The following PAX5 variants were observed in gnomAD, a reference collection of about 807,000 sequenced individuals.
PAX5 encodes paired box protein Pax-5.
Under a neutral mutation model 43.7 loss-of-function variants are expected in PAX5, and 9 were observed. That is an observed-to-expected ratio of 0.21 (90% confidence interval 0.12 to 0.36). The LOEUF is 0.36. PAX5 is among the 10% of genes least tolerant of loss of function. The pLI is 1.00. For missense variants in PAX5, 383 were observed against 532.7 expected, an observed-to-expected ratio of 0.72 and a Z score of 2.77; for synonymous variants, 228 against 214.3, an observed-to-expected ratio of 1.06 and a Z score of -0.56.
rs370629885 is a variant in PAX5 at position 36,964,444 on chromosome 9, T to C, written c.780+2105A>G. ...ATCTCTACTAAAAATACAAAAAAAT[T>C]AGCCGGGCGTGGTGGCAGGCACCTG... is the stretch of plus-strand genomic sequence containing the variant. On this transcript the variant is annotated intron_variant, in intron 6 of 9. Transcript: ENST00000358127. Among the ~76,000 whole-genome samples the C allele has an allele frequency of 3.0e-4, 45 of 151,472 alleles. No individual in the cohort carries two copies. The Middle Eastern group carries it at 0.01, about 35-fold the overall frequency.
chr9:36,998,969 T>C lies in PAX5; in HGVS notation c.604+3679A>G, dbSNP rs985162783. On this transcript the variant is annotated intron_variant, in intron 5 of 9. Transcript: ENST00000358127. ...TCTTTTTAATGTAGTTACTAGATCA[T>C]TTAAAATTACACGTGGCTTGCATTC... is the stretch of plus-strand genomic sequence containing the variant. Among the ~76,000 whole-genome samples the C allele has an allele frequency of 2.6e-5, 4 of 152,374 alleles. No homozygotes were observed. In the South Asian group the frequency reaches 8.3e-4, roughly 32 times the overall value.
rs139701864 is a variant in PAX5 at position 37,034,026 on chromosome 9, A to T, written c.6T>A (p.Asp2Glu). The part of the protein sequence containing the change: M[D>E]LEKNYPTPRT... ...GAGGAGTCGGATAATTTTTCTCTAA[A>T]TCCATTTTGATTTTTCAGGACTTGA... Residue 2 changes from aspartate to glutamate, a missense_variant, in exon 1 of 10, where the codon GAT becomes GAA. Coordinates refer to ENST00000358127, the MANE Select transcript of PAX5 (RefSeq NM_016734.3). 2,300 of 1,605,240 alleles carry T rather than the reference A, an allele frequency of 1.4e-3. 24 individuals carry two copies. Among genetic ancestry groups the T allele is most frequent in the East Asian group, 7.5e-3 (334 of 44,480 alleles).
chr9:36,923,399 A>G lies in PAX5; in HGVS notation c.866T>C (p.Ile289Thr). ...ANLASPTPAD[I>T]GSSVPGPQSY... Reference sequence around the variant, plus strand: ...CTGCGGGCCTGGCACACTGCTCCCGATGTCAGCAGGGGTGGGGCTGGCCAG... The same window carrying G: ...CTGCGGGCCTGGCACACTGCTCCCGGTGTCAGCAGGGGTGGGGCTGGCCAG... The change falls in exon 7 of 10, where the codon ATC becomes ACC. Residue 289 changes from isoleucine (I) to threonine (T), a missense_variant. Around this residue, in one of 5 missense-constraint regions of PAX5, gnomAD observed 291 missense variants for 342.5 expected, o/e 0.85. Transcript: ENST00000358127. The G allele has an allele frequency of 9.3e-6, 15 of 1,613,264 alleles. No individual in the cohort carries two copies. Among genetic ancestry groups the G allele is most frequent in the Non-Finnish European group, 1.2e-5 (14 of 1,179,970 alleles).
At chr9:37,010,938 C>T (rs1359689894) in intron 3 of PAX5, among the ~76,000 whole-genome samples, 4 of 151,914 alleles carry the variant, frequency 2.6e-5, no homozygotes, top group East Asian at 1.9e-4. Context: ...CTGGGCAACA[C>T]GATGAAACCC....
intron 7 of PAX5, among the ~76,000 whole-genome samples, chr9:36,885,069 A>C (rs995086116): frequency 6.6e-6 from 1 of 152,248 alleles, no homozygotes; most frequent in Non-Finnish European, 1.5e-5. Flanking sequence ...TCCTTGGACT[A>C]GCCATGAAAA....
At chr9:36,972,145 A>T (rs1196719439) in intron 5 of PAX5, among the ~76,000 whole-genome samples, 1 of 152,238 alleles carries the variant, frequency 6.6e-6, no homozygotes, top group East Asian at 1.9e-4. Context: ...GAGCCCCAGG[A>T]AAAGAGGCTA....
At chr9:36,859,708 A>C (rs2131640139) in intron 8 of PAX5, among the ~76,000 whole-genome samples, 1 of 152,288 alleles carries the variant, frequency 6.6e-6, no homozygotes, top group African/African-American at 2.4e-5. Context: ...GCAGTGACCC[A>C]GGCCAGTGGC....
chr9:36,957,196 G>C (rs1184244530), intron 6 of PAX5, among the ~76,000 whole-genome samples: 1 of 152,218 alleles, frequency 6.6e-6, no homozygotes, highest in Non-Finnish European at 1.5e-5. Context: ...TTTCCCATAG[G>C]AAGGCCCAGT....
intron 8 of PAX5, among the ~76,000 whole-genome samples, chr9:36,866,362 G>C (rs928266168): frequency 6.6e-5 from 10 of 152,168 alleles, no homozygotes; most frequent in African/African-American, 2.4e-4. Flanking sequence ...ACTCTGGGTA[G>C]GGGAGCTGTG....
chr9:36,935,196 A>T (rs1016772978), intron 6 of PAX5, among the ~76,000 whole-genome samples: 1 of 152,162 alleles, frequency 6.6e-6, no homozygotes, highest in African/African-American at 2.4e-5. Context: ...AGCTTGACCA[A>T]CATGGAGAAA....
Position 36,836,229 on chromosome 9 carries a change from C to A in PAX5, c.*4331G>T. The A allele has an allele frequency of 4.3e-6, 1 of 233,622 alleles. No individual in the cohort carries two copies. 14.5% of individuals were successfully genotyped at this position (233,622 alleles called of 1,614,324 possible). The stretch of plus-strand genomic sequence containing the variant: ...AGCAGCTCCCCAATCCCGTCCCCAG[C>A]GCCTCTGACCTTCCACCCAACTCCA... On this transcript the variant is annotated 3_prime_UTR_variant, in exon 10 of 10. Transcript: ENST00000358127.
rs372936487 is a variant in PAX5 at position 36,836,551 on chromosome 9, G to A, written c.*4009C>T. 1 of 233,168 alleles carries A rather than the reference G, an allele frequency of 4.3e-6. No individual in the cohort carries two copies. The highest frequency in any genetic ancestry group is 1.3e-3 in the Middle Eastern group (1 of 786). The allele number at this position is 233,168 out of a possible 1,614,324, so 14.4% of individuals were successfully genotyped here. On this transcript the variant is annotated 3_prime_UTR_variant, in exon 10 of 10. Transcript: ENST00000358127. ...TTTTCATACTTGAATGCCACTCAGG[G>A]GGGCAGGCACACTTCTGGGCATCTC... is the stretch of plus-strand genomic sequence containing the variant.
At chr9:36,865,595 G>C (rs530486987) in intron 8 of PAX5, among the ~76,000 whole-genome samples, 1 of 152,242 alleles carries the variant, frequency 6.6e-6, no homozygotes, top group East Asian at 1.9e-4. Flanking sequence ...AATGGAGGAA[G>C]ACCAGAACAT....
intron 7 of PAX5, among the ~76,000 whole-genome samples, chr9:36,909,844 T>C (rs1480224228): frequency 2.8e-5 from 3 of 108,570 alleles, no homozygotes; most frequent in Admixed American, 9.5e-5. Flanking sequence ...TTTTTAGATA[T>C]AGGGTTTCGA....
chr9:36,961,783 A>T (rs1023865442), intron 6 of PAX5, among the ~76,000 whole-genome samples: 3 of 152,194 alleles, frequency 2.0e-5, no homozygotes, highest in Non-Finnish European at 4.4e-5. Context: ...ACTGAAACAG[A>T]TACCACTGTT....
In PAX5 at chr9:36,932,936, A is replaced by G. The variant is rs557721296; in HGVS notation, c.781-9452T>C. On this transcript the variant is annotated intron_variant, in intron 6 of 9. Transcript: ENST00000358127. ...TTTGGGAGGCTGAGGCAGGTGGAGT[A>G]CCTGAGGTCAGGAGTTCAAGACCAG... 5.3e-5 allele frequency among the ~76,000 whole-genome samples: 8 copies of G among 152,062 alleles called. 1 individual carries two copies. The South Asian group carries it at 1.7e-3, about 32-fold the overall frequency.
intron 6 of PAX5, 100 bp downstream of exon 6, chr9:36,966,449 G>A: frequency 1.6e-6 from 2 of 1,283,706 alleles, no homozygotes; most frequent in Middle Eastern, 1.9e-4. Flanking sequence ...AGAACCTGGT[G>A]TGCCCTCACC....
rs1403557313 is a variant in PAX5 at position 36,882,716 on chromosome 9, T to A, written c.911-611A>T. 1.3e-5 allele frequency among the ~76,000 whole-genome samples: 2 copies of A among 152,252 alleles called. No individual in the cohort carries two copies. Among genetic ancestry groups the A allele is most frequent in the Non-Finnish European group, 2.9e-5 (2 of 68,048 alleles). ...GAGCTGTTTCTTCATTCAGTGAAGA[T>A]GCAGGAAGCACCTCCCAGTGCCAAA... is the stretch of plus-strand genomic sequence containing the variant. On this transcript the variant is annotated intron_variant, in intron 7 of 9. Coordinates refer to ENST00000358127, the MANE Select transcript of PAX5 (RefSeq NM_016734.3). This position sits in a 1 kb window ranked among gnomAD's most constrained non-coding sequence, Gnocchi z 4.4.
At chr9:36,999,095 T>A (rs1036008335) in intron 5 of PAX5, among the ~76,000 whole-genome samples, 6 of 152,152 alleles carry the variant, frequency 3.9e-5, no homozygotes, top group African/African-American at 1.4e-4. Flanking sequence ...GACACATAGC[T>A]CAAAACTATC....
Sources: allele counts gnomAD v4.1 joint callset (sites outside exome capture counted in the v4.1 genomes callset), GRCh38; gene constraint gnomAD v4.1.1; regional missense constraint gnomAD v4.1.1; non-coding constraint Gnocchi (gnomAD v3.1); transcripts MANE v1.5; gene names NCBI Gene and HGNC (gene_info 2026-07-23, HGNC 2026-07-21).